The following CRADD variants were observed in gnomAD, a reference collection of about 807,000 sequenced individuals.
CRADD encodes death domain-containing protein CRADD.
A neutral mutation model predicts 15.5 loss-of-function variants in CRADD; 9 were observed. The observed-to-expected ratio is 0.58, with a 90% CI of 0.35 to 1.01. The LOEUF is 1.01. Ranked by LOEUF, CRADD falls within the 50% of genes least tolerant of loss-of-function variation. CRADD has a pLI of 0.02. For missense variants in CRADD, 227 were observed against 250.3 expected (o/e 0.91, Z 0.63); for synonymous variants, 118 against 107.6 (o/e 1.10, Z -0.60).
chr12:93,852,115 G>T (rs1354735290), downstream of CRADD, among the ~76,000 whole-genome samples: 2 of 152,212 alleles, frequency 1.3e-5, no homozygotes, highest in Non-Finnish European at 2.9e-5. Context: ...CCCAGTGATA[G>T]ACTGTACTGC....
Position 93,678,973 on chromosome 12 carries a change from A to G in CRADD, c.199A>G (p.Lys67Glu), listed in dbSNP as rs755425929. ...LLDILPSRGP[K>E]AFDTFLDSLQ... is the part of the protein sequence containing the mutation. ...GGATATCCTACCTTCCAGGGGCCCT[A>G]AAGCATTTGATACATTCCTAGATTC... is the stretch of plus-strand genomic sequence containing the variant. The change falls in exon 2 of 3, where the codon AAA becomes GAA. Residue 67 changes from lysine (K) to glutamate (E), a missense_variant. Physicochemically the swap from Lys to Glu is moderately conservative, Grantham distance 56. Coordinates refer to ENST00000332896, the MANE Select transcript of CRADD (RefSeq NM_003805.5). 1.2e-6 allele frequency: 2 copies of G among 1,614,018 alleles called. No homozygotes were observed. Among genetic ancestry groups the G allele is most frequent in the Non-Finnish European group, 1.7e-6 (2 of 1,179,908 alleles).
chr12:93,888,354 G>A (rs1272349070), intron 2 of CRADD, among the ~76,000 whole-genome samples: 1 of 151,792 alleles, frequency 6.6e-6, no homozygotes, highest in East Asian at 1.9e-4. Flanking sequence ...GAACCCGGGA[G>A]GCGGAGCTTG....
chr12:93,809,018 G>A (rs547090685), intron 2 of CRADD, among the ~76,000 whole-genome samples: 75 of 152,138 alleles, frequency 4.9e-4, no homozygotes, highest in Non-Finnish European at 9.0e-4. Flanking sequence ...AGGTTCAAGC[G>A]ATTCTCCTGC....
At chr12:93,679,538 A>G (rs1184413607) in intron 2 of CRADD, among the ~76,000 whole-genome samples, 2 of 152,176 alleles carry the variant, frequency 1.3e-5, no homozygotes, top group African/African-American at 2.4e-5. Flanking sequence ...AAGGGACATG[A>G]CGTTGGAGGA....
intron 2 of CRADD, among the ~76,000 whole-genome samples, chr12:93,778,186 C>T (rs912816548): frequency 6.6e-6 from 1 of 152,142 alleles, no homozygotes; most frequent in African/African-American, 2.4e-5. Flanking sequence ...TTTGAAAATA[C>T]CATGGTTATT....
intron 2 of CRADD, among the ~76,000 whole-genome samples, chr12:93,877,992 A>G (rs1417970222): frequency 6.6e-6 from 1 of 152,014 alleles, no homozygotes; most frequent in Non-Finnish European, 1.5e-5. Context: ...TCAGAGGCCC[A>G]CCCAAGGCCC....
intron 2 of CRADD, among the ~76,000 whole-genome samples, chr12:93,755,589 A>G (rs1383078761): frequency 6.6e-6 from 1 of 152,214 alleles, no homozygotes; most frequent in African/African-American, 2.4e-5. Flanking sequence ...AGAGCAGAAC[A>G]TCTGGTGTTT....
At chr12:93,872,117 G>T (rs1433933388) in intron 2 of CRADD, among the ~76,000 whole-genome samples, 1 of 152,146 alleles carries the variant, frequency 6.6e-6, no homozygotes, top group Non-Finnish European at 1.5e-5. Context: ...ACTGGGATGA[G>T]ATGATATCTC....
chr12:93,681,180 G>A (rs979896353), intron 2 of CRADD, among the ~76,000 whole-genome samples: 3 of 152,224 alleles, frequency 2.0e-5, no homozygotes, highest in East Asian at 3.9e-4. Flanking sequence ...CACCATGCTC[G>A]GCCATAACCC....
intron 2 of CRADD, among the ~76,000 whole-genome samples, chr12:93,746,819 A>G (rs1292498764): frequency 6.6e-6 from 1 of 151,276 alleles, no homozygotes; most frequent in African/African-American, 2.4e-5. Flanking sequence ...GAAGGATAAT[A>G]TTGTGCATGT....
chr12:93,742,417 C>G (rs1011216697), intron 2 of CRADD, among the ~76,000 whole-genome samples: 2 of 147,898 alleles, frequency 1.4e-5, no homozygotes, highest in African/African-American at 5.2e-5. Context: ...CAGGGAGGCG[C>G]GCGGCCCCAG....
At chr12:93,745,967 C>A (rs1395669704) in intron 2 of CRADD, among the ~76,000 whole-genome samples, 5 of 152,084 alleles carry the variant, frequency 3.3e-5, no homozygotes, top group Non-Finnish European at 7.4e-5. Flanking sequence ...ATTACCACCA[C>A]CACCTAAAAT....
intron 2 of CRADD, among the ~76,000 whole-genome samples, chr12:93,885,384 T>C (rs76604333): frequency 0.075 from 11,401 of 152,118 alleles, 1,481 homozygotes; most frequent in African/African-American, 0.26. Flanking sequence ...AATCTGTTCT[T>C]TGCAGAGATA....
intron 2 of CRADD, among the ~76,000 whole-genome samples, chr12:93,882,393 C>T (rs1958508456): frequency 6.8e-6 from 1 of 147,344 alleles, no homozygotes; most frequent in South Asian, 2.1e-4. Flanking sequence ...TGTACTCCAG[C>T]CAGGGCGACA....
chr12:93,681,911 A>G (rs989564686), intron 2 of CRADD, among the ~76,000 whole-genome samples: 3 of 152,154 alleles, frequency 2.0e-5, no homozygotes, highest in Admixed American at 1.3e-4. Context: ...AGAGATATAT[A>G]TGTTTTTTGT....
rs79472731 is a variant in CRADD, at chr12:93,893,127, C to T, written c.299-923C>T. Among the ~76,000 whole-genome samples, 329 of 152,186 alleles carry T rather than the reference C, an allele frequency of 2.2e-3. 4 individuals are homozygous for T. Among genetic ancestry groups the T allele is most frequent in the African/African-American group, 7.7e-3 (319 of 41,516 alleles). ...TACCAGTTTCCTTTGTGTTTTTCTG[C>T]CAGTGTGAACAGGAGAAATATTAGC... On this transcript the variant is annotated intron_variant, in intron 2 of 2. Transcript: ENST00000548483.
chr12:93,854,499 C>CG (rs1444326382), downstream of CRADD, among the ~76,000 whole-genome samples: 1 of 152,168 alleles, frequency 6.6e-6, no homozygotes, highest in Admixed American at 6.5e-5. Flanking sequence ...AGAGTCAGTG[C>CG]GGGAGGGCTC....
chr12:93,837,249 T>C (rs1593031903), intron 2 of CRADD: 2 of 86,774 alleles, frequency 2.3e-5, no homozygotes, highest in Admixed American at 1.1e-4. Context: ...TTTCACGTTT[T>C]TGTTTGTTTG....
At chr12:93,683,197 C>A (rs1049563154) in intron 2 of CRADD, among the ~76,000 whole-genome samples, 3 of 152,152 alleles carry the variant, frequency 2.0e-5, no homozygotes, top group African/African-American at 7.2e-5. Flanking sequence ...CCAGCCTCCC[C>A]ATCTGGTGGG....
Sources: gnomAD v4.1 joint callset for allele counts (sites outside exome capture counted in the v4.1 genomes callset) on GRCh38, gnomAD v4.1.1 for gene constraint, MANE v1.5 for transcripts, NCBI Gene and HGNC (gene_info 2026-07-23, HGNC 2026-07-21) for gene names.